Variants in REV3L observed in about 807,000 individuals in gnomAD.
The protein encoded by REV3L is REV3 like, DNA directed polymerase zeta catalytic subunit, also known as DNA polymerase zeta catalytic subunit.
In REV3L, 69 loss-of-function variants were observed where a neutral mutation model predicts 299.4. That is an observed-to-expected ratio of 0.23 (90% confidence interval 0.19 to 0.28). The LOEUF is 0.28. Ranked by LOEUF, REV3L falls within the 10% of genes least tolerant of loss-of-function variation. The pLI, the probability that REV3L is intolerant of heterozygous loss-of-function variation, is 1.00. For synonymous variants in REV3L, 1,238 were observed against 1,271.4 expected (o/e 0.97, Z 0.56); for missense variants, 3,128 against 3,693.8 (o/e 0.85, Z 3.97).
At chr6:111,471,068 G>C (rs929319994) in intron 1 of REV3L, among the ~76,000 whole-genome samples, 2 of 152,104 alleles carry the variant, frequency 1.3e-5, no homozygotes, top group African/African-American at 4.8e-5. Flanking sequence ...ATGGTGATGA[G>C]AGGTGAAGCT....
chr6:111,366,797 A>C, intron 14 of REV3L, among the ~76,000 whole-genome samples: 1 of 152,134 alleles, frequency 6.6e-6, no homozygotes, highest in Non-Finnish European at 1.5e-5. Context: ...ACGTGAGGTC[A>C]AGGCAGGTTT....
At chr6:111,411,196 C>A (rs1784202781) in intron 3 of REV3L, among the ~76,000 whole-genome samples, 1 of 152,132 alleles carries the variant, frequency 6.6e-6, no homozygotes, top group African/African-American at 2.4e-5. Flanking sequence ...TAAGGTCTGG[C>A]CAGAAGAGGC....
chr6:111,395,736 A>C (rs1429630510), intron 4 of REV3L, among the ~76,000 whole-genome samples: 1 of 152,108 alleles, frequency 6.6e-6, no homozygotes. Context: ...GTTGAACAGG[A>C]GTGGTAAAAA....
At chr6:111,339,188 C>T (rs766781864) in intron 21 of REV3L, among the ~76,000 whole-genome samples, 1 of 152,230 alleles carries the variant, frequency 6.6e-6, no homozygotes, top group East Asian at 1.9e-4. Flanking sequence ...AATTAATTAA[C>T]ATTTATTGAG....
intron 1 of REV3L, among the ~76,000 whole-genome samples, chr6:111,451,995 G>C (rs1013205937): frequency 6.6e-4 from 100 of 151,946 alleles, no homozygotes; most frequent in Non-Finnish European, 9.3e-4. Context: ...AGTCCAGAAT[G>C]AATAAAGAAC....
chr6:111,391,179 C>T (rs949465193), intron 5 of REV3L, among the ~76,000 whole-genome samples: 1 of 151,810 alleles, frequency 6.6e-6, no homozygotes. Context: ...GATTCTCCTG[C>T]CTCAGCTTCC....
chr6:111,372,807 G>A lies in REV3L; in HGVS notation c.5548C>T (p.Pro1850Ser). Residue 1850 changes from proline (P) to serine (S), a missense_variant, in exon 13 of 32, where the codon CCA becomes TCA. Physicochemically the swap from Pro to Ser is moderately conservative, Grantham distance 74. Around this residue, in one of 9 missense-constraint regions of REV3L, gnomAD observed 2,409 missense variants for 2,611.8 expected, o/e 0.92. Transcript: ENST00000368802. ...YVSRNNDMLT[P>S]TPDSSPRSTS... ...GATCTTGGTGAACTATCAGGAGTTG[G>A]TGTCAACATATCATTGTTTCTTGAA... The A allele has an allele frequency of 6.2e-7, 1 of 1,613,518 alleles. No homozygotes were observed.
At chr6:111,428,651 C>T (rs1786477262) in intron 1 of REV3L, among the ~76,000 whole-genome samples, 1 of 151,676 alleles carries the variant, frequency 6.6e-6, no homozygotes, top group Admixed American at 6.6e-5. Flanking sequence ...AGCTCAAAGA[C>T]AGGCTATTTG....
chr6:111,331,426 T>C (rs1187567173), intron 24 of REV3L, among the ~76,000 whole-genome samples: 1 of 152,216 alleles, frequency 6.6e-6, no homozygotes, highest in Non-Finnish European at 1.5e-5. Context: ...CGTTTATTTC[T>C]TTCAATATTT....
intron 1 of REV3L, among the ~76,000 whole-genome samples, chr6:111,465,072 G>A (rs1291759182): frequency 6.8e-6 from 1 of 146,144 alleles, no homozygotes; most frequent in Non-Finnish European, 1.5e-5. Flanking sequence ...GTAAAATAAA[G>A]TTATTTTTAT....
At chr6:111,454,302 T>C (rs1789916077) in intron 1 of REV3L, among the ~76,000 whole-genome samples, 2 of 151,084 alleles carry the variant, frequency 1.3e-5, no homozygotes, top group Admixed American at 1.3e-4. Flanking sequence ...AATTTAACAA[T>C]AAAACAAAAC....
intron 16 of REV3L, among the ~76,000 whole-genome samples, chr6:111,362,061 ATTTGC>A (rs1778745139): frequency 6.6e-6 from 1 of 152,142 alleles, no homozygotes; most frequent in Non-Finnish European, 1.5e-5. Context: ...GGTCTATCAA[ATTTGC>A]TTTAATACAT....
Position 111,372,849 on chromosome 6 carries a change from C to A in REV3L, c.5506G>T (p.Asp1836Tyr), listed in dbSNP as rs1468484117. ...TTTCTTGAAACATACAGTTCTAAAT[C>A]TTCACAGGCCACGTCTACAAGTTCA... ...DGELVDVACE[D>Y]LELYVSRNND... Residue 1836 changes from aspartate to tyrosine, a missense_variant, in exon 13 of 32, where the codon GAT becomes TAT. Physicochemically the swap from Asp to Tyr is radical, Grantham distance 160. This residue lies in a region of REV3L where 2,409 missense variants were observed against 2,611.8 expected (regional missense o/e 0.92). Coordinates refer to ENST00000368802, the MANE Select transcript of REV3L (RefSeq NM_001372078.1). The A allele has an allele frequency of 1.2e-6, 2 of 1,614,088 alleles. No individual in the cohort carries two copies. Among genetic ancestry groups the A allele is most frequent in the Admixed American group, 1.7e-5 (1 of 60,012 alleles).
intron 25 of REV3L, among the ~76,000 whole-genome samples, chr6:111,324,397 T>G (rs80206804): frequency 6.6e-6 from 1 of 152,360 alleles, no homozygotes; most frequent in East Asian, 1.9e-4. Flanking sequence ...AAAAATCATG[T>G]TATCTAATGG....
chr6:111,469,979 G>A (rs1791983546), intron 1 of REV3L, among the ~76,000 whole-genome samples: 1 of 152,114 alleles, frequency 6.6e-6, no homozygotes, highest in Admixed American at 6.5e-5. Context: ...ATTTCACAAT[G>A]AGAATATATC....
At chr6:111,437,833 G>A (rs1319748793) in intron 1 of REV3L, among the ~76,000 whole-genome samples, 1 of 151,964 alleles carries the variant, frequency 6.6e-6, no homozygotes, top group Admixed American at 6.6e-5. Flanking sequence ...TGTATAGTAT[G>A]TGAACTACAT....
intron 3 of REV3L, among the ~76,000 whole-genome samples, chr6:111,409,711 C>T (rs529294897): frequency 8.5e-5 from 13 of 152,050 alleles, no homozygotes; most frequent in African/African-American, 2.7e-4. Context: ...ACATACAGCA[C>T]GCAGGGAAGG....
intron 14 of REV3L, among the ~76,000 whole-genome samples, chr6:111,366,788 C>G (rs558611875): frequency 6.6e-6 from 1 of 151,980 alleles, no homozygotes; most frequent in Non-Finnish European, 1.5e-5. Flanking sequence ...TGGCTGGAGA[C>G]GTGAGGTCAA....
At chr6:111,433,138 C>T (rs547494735) in intron 1 of REV3L, among the ~76,000 whole-genome samples, 1 of 151,942 alleles carries the variant, frequency 6.6e-6, no homozygotes, top group Admixed American at 6.5e-5. Context: ...CCTGAAGGAA[C>T]TAGAAAAAGA....
Sources: allele counts gnomAD v4.1 joint callset (sites outside exome capture counted in the v4.1 genomes callset), GRCh38; gene constraint gnomAD v4.1.1; regional missense constraint gnomAD v4.1.1; transcripts MANE v1.5; gene names NCBI Gene and HGNC (gene_info 2026-07-23, HGNC 2026-07-21).